The following LRP1B variants were observed in gnomAD, a reference collection of about 807,000 sequenced individuals.
The protein encoded by LRP1B is low-density lipoprotein receptor-related protein 1B.
LRP1B carries 217 observed loss-of-function variants against 556.6 expected under a neutral mutation model. The ratio of observed to expected loss-of-function variants is 0.39; its 90% confidence interval spans 0.35 to 0.44. The LOEUF (loss-of-function observed/expected upper bound fraction) is 0.44, where lower values mean the gene tolerates loss of function less well. LRP1B is among the 20% of genes least tolerant of loss of function. The probability of loss-of-function intolerance (pLI) is 1.00; values close to 1 mark genes in which losing one functional copy is unlikely to be tolerated. For synonymous variants in LRP1B, 2,047 were observed against 1,865.8 expected, an observed-to-expected ratio of 1.10 and a Z score of -2.50; for missense variants, 5,053 against 5,620.8, an observed-to-expected ratio of 0.90 and a Z score of 3.23.
At chr2:140,720,488 A>G (rs1055863649) in intron 35 of LRP1B, among the ~76,000 whole-genome samples, 2 of 152,078 alleles carry the variant, frequency 1.3e-5, no homozygotes, top group African/African-American at 4.8e-5. Flanking sequence ...TCAGAATTAA[A>G]GGGAAAACCA....
intron 31 of LRP1B, among the ~76,000 whole-genome samples, chr2:140,838,012 G>A (rs1376047143): frequency 6.6e-6 from 1 of 151,926 alleles, no homozygotes; most frequent in Non-Finnish European, 1.5e-5. Context: ...TAGGTAACAT[G>A]AGTACCTCTC....
At chr2:140,841,168 T>C (rs2105098716) in intron 29 of LRP1B, 76 bp from the exon 30 acceptor site, 1 of 908,634 alleles carries the variant, frequency 1.1e-6, no homozygotes, top group Non-Finnish European at 1.6e-6. Context: ...AGTTATTTTC[T>C]ATCTAAGGGA....
intron 41 of LRP1B, 74 bp from the exon 42 acceptor site, chr2:140,601,713 T>A (rs2105200185): frequency 9.8e-7 from 1 of 1,021,966 alleles, no homozygotes; most frequent in Non-Finnish European, 1.4e-6. Flanking sequence ...AAAAAGCATT[T>A]AAGACATACA....
rs1680170434 is a variant in LRP1B at position 140,322,104 on chromosome 2, A to AAAAC, written c.12515-20_12515-17dup. ...GGATTGGGTACTGGTGAAACAAAAG[A>AAAAC]AAACAAAGAAGTGTGTAAATATAGA... On this transcript the variant is annotated splice_polypyrimidine_tract_variant and intron_variant, in intron 81 of 90. Transcript: ENST00000389484. 1 of 1,608,148 alleles carries AAAAC rather than the reference A, an allele frequency of 6.2e-7. No individual in the cohort carries two copies. Among genetic ancestry groups the AAAAC allele is most frequent in the Non-Finnish European group, 8.5e-7 (1 of 1,177,696 alleles).
At chr2:141,482,497 C>CAT (rs938193736) in intron 2 of LRP1B, among the ~76,000 whole-genome samples, 1 of 151,726 alleles carries the variant, frequency 6.6e-6, no homozygotes, top group South Asian at 2.1e-4. Context: ...TCTTTATTTC[C>CAT]ATATATATAT....
intron 31 of LRP1B, among the ~76,000 whole-genome samples, chr2:140,829,198 C>A (rs75990497): frequency 0.015 from 2,258 of 152,110 alleles, 70 homozygotes; most frequent in East Asian, 0.095. Flanking sequence ...GAATTTAACA[C>A]CTCACTCTCA....
intron 35 of LRP1B, among the ~76,000 whole-genome samples, chr2:140,718,112 C>G (rs980038838): frequency 2.6e-5 from 4 of 151,958 alleles, no homozygotes; most frequent in Admixed American, 2.6e-4. Context: ...AAACATTAGA[C>G]TTATACGTCC....
chr2:140,234,704 G>A (rs539308784), intron 90 of LRP1B, 82 bp downstream of exon 90: 10 of 648,140 alleles, frequency 1.5e-5, no homozygotes, highest in East Asian at 2.6e-5. Flanking sequence ...TTAAAAACAA[G>A]CCTCTAAGTC....
At chr2:140,596,170 A>C (rs937231592) in intron 43 of LRP1B, among the ~76,000 whole-genome samples, 1 of 152,186 alleles carries the variant, frequency 6.6e-6, no homozygotes, top group Non-Finnish European at 1.5e-5. Context: ...TTTTAGACAC[A>C]AAGTTATAAT....
intron 1 of LRP1B, among the ~76,000 whole-genome samples, chr2:142,097,273 C>T (rs552340453): frequency 6.6e-6 from 1 of 151,710 alleles, no homozygotes; most frequent in African/African-American, 2.4e-5. Context: ...CCTTGTAAAG[C>T]CTTTCTTTCT....
chr2:141,505,152 T>C (rs1348338580), intron 2 of LRP1B, among the ~76,000 whole-genome samples: 2 of 151,854 alleles, frequency 1.3e-5, no homozygotes, highest in African/African-American at 4.8e-5. Context: ...ATAATTTAGG[T>C]AAAGTCATTT....
rs370389858 is a variant in LRP1B, at chr2:140,373,147, A to G, written c.10639-10T>C. 8.1e-6 allele frequency: 13 copies of G among 1,611,710 alleles called. No individual in the cohort carries two copies. The East Asian group carries it at 2.7e-4, about 33-fold the overall frequency. Reference sequence around the variant, plus strand: ...TTGTCTCACAATTTCTCTATGAAAAACAACAGAGATATAATCAAAATTAAA... The same window carrying G: ...TTGTCTCACAATTTCTCTATGAAAAGCAACAGAGATATAATCAAAATTAAA... On this transcript the variant is annotated splice_polypyrimidine_tract_variant and intron_variant, in intron 68 of 90. Coordinates refer to ENST00000389484, the MANE Select transcript of LRP1B (RefSeq NM_018557.3).
intron 3 of LRP1B, among the ~76,000 whole-genome samples, chr2:141,426,895 C>T (rs1034085519): frequency 1.3e-5 from 2 of 152,060 alleles, no homozygotes; most frequent in Non-Finnish European, 2.9e-5. Flanking sequence ...TTTTATTATA[C>T]TTTAAGTTCT....
Position 141,242,479 on chromosome 2 carries a change from A to G in LRP1B, c.592+4747T>C, listed in dbSNP as rs151297758. 1.6e-3 allele frequency among the ~76,000 whole-genome samples: 246 copies of G among 152,198 alleles called. 1 individual carries two copies. The highest frequency in any genetic ancestry group is 5.5e-3 in the African/African-American group (228 of 41,528). On this transcript the variant is annotated intron_variant, in intron 5 of 90. Coordinates refer to ENST00000389484, the MANE Select transcript of LRP1B (RefSeq NM_018557.3). Reference sequence around the variant, plus strand: ...CACTGTCTAGAAACATGCTTCCTTCAATTATACAGGGACTACAATTCCTGT... The same window carrying G: ...CACTGTCTAGAAACATGCTTCCTTCGATTATACAGGGACTACAATTCCTGT...
chr2:141,944,710 C>A (rs1700904808), intron 1 of LRP1B, among the ~76,000 whole-genome samples: 1 of 152,016 alleles, frequency 6.6e-6, no homozygotes, highest in Non-Finnish European at 1.5e-5. Context: ...GATGGAAAAG[C>A]AGAATGACCA....
intron 1 of LRP1B, among the ~76,000 whole-genome samples, chr2:141,898,453 T>A (rs1699520949): frequency 6.6e-6 from 1 of 152,192 alleles, no homozygotes; most frequent in African/African-American, 2.4e-5. Flanking sequence ...AGTTTTAATC[T>A]TGTTTTAAGG....
intron 60 of LRP1B, among the ~76,000 whole-genome samples, chr2:140,473,149 G>T (rs953211965): frequency 7.2e-5 from 11 of 151,906 alleles, no homozygotes; most frequent in Non-Finnish European, 1.3e-4. Flanking sequence ...GGTAGAGTTG[G>T]CATAATTCAG....
chr2:142,046,598 A>G (rs1157744369), intron 1 of LRP1B, among the ~76,000 whole-genome samples: 1 of 152,000 alleles, frequency 6.6e-6, no homozygotes, highest in East Asian at 1.9e-4. Context: ...CAAAAATAGA[A>G]CGTGTGTAAA....
Position 141,814,436 on chromosome 2 carries a change from T to C in LRP1B, c.83-4035A>G, listed in dbSNP as rs542454831. On this transcript the variant is annotated intron_variant, in intron 1 of 90. Coordinates refer to ENST00000389484, the MANE Select transcript of LRP1B (RefSeq NM_018557.3). Reference sequence around the variant, plus strand: ...GGAAAGAATCATTTTGGCTACTATGTTGAGAATATATACTGCAGTGAAGTG... The same window carrying C: ...GGAAAGAATCATTTTGGCTACTATGCTGAGAATATATACTGCAGTGAAGTG... Among the ~76,000 whole-genome samples, 5 of 152,212 alleles carry C rather than the reference T, an allele frequency of 3.3e-5. No homozygotes were observed. The South Asian group carries it at 8.3e-4, about 25-fold the overall frequency.
Sources: allele counts gnomAD v4.1 joint callset (sites outside exome capture counted in the v4.1 genomes callset), GRCh38; gene constraint gnomAD v4.1.1; transcripts MANE v1.5; gene names NCBI Gene and HGNC (gene_info 2026-07-23, HGNC 2026-07-21).